MTMR10: variants seen among roughly 807,000 people sequenced by gnomAD.
MTMR10 encodes myotubularin-related protein 10.
MTMR10 carries 56 observed loss-of-function variants against 88.1 expected under a neutral mutation model. The ratio of observed to expected loss-of-function variants is 0.64; its 90% CI spans 0.51 to 0.79. MTMR10 has a LOEUF of 0.79. MTMR10 is among the 30% of genes least tolerant of loss of function. The pLI, the probability that MTMR10 is intolerant of heterozygous loss-of-function variation, is 0.00. For synonymous variants in MTMR10, 380 were observed against 340.9 expected (o/e 1.11, Z -1.26); for missense variants, 883 against 924.7 (o/e 0.95, Z 0.58).
At chr15:30,985,527 G>T (rs375164576) in intron 2 of MTMR10, among the ~76,000 whole-genome samples, 1 of 152,186 alleles carries the variant, frequency 6.6e-6, no homozygotes, top group Non-Finnish European at 1.5e-5. Flanking sequence ...CTTGCTAGCT[G>T]TGTGACACTG....
rs766591098 is a variant in MTMR10 at position 30,954,932 on chromosome 15, T to C, written c.936-39A>G. Reference sequence around the variant, plus strand: ...AAATACTTTAGTCATTACTCATTCATTTCAGCATATATTTATTTAACCCTT... The same window carrying C: ...AAATACTTTAGTCATTACTCATTCACTTCAGCATATATTTATTTAACCCTT... On this transcript the variant is annotated intron_variant, in intron 9 of 15. Coordinates refer to ENST00000435680, the MANE Select transcript of MTMR10 (RefSeq NM_017762.3). The C allele has an allele frequency of 3.4e-6, 5 of 1,492,528 alleles. No homozygotes were observed. The East Asian group carries it at 1.2e-4, about 37-fold the overall frequency. The allele number at this position is 1,492,528 out of a possible 1,614,324, so 92.5% of individuals were successfully genotyped here.
intron 10 of MTMR10, 43 bp downstream of exon 10, chr15:30,954,720 G>A: frequency 6.6e-7 from 1 of 1,524,126 alleles, no homozygotes; most frequent in Non-Finnish European, 8.8e-7. Context: ...ATGCAACTCT[G>A]TATCCTGTGT....
the MTMR10 span, chr15:30,929,484 A>G: frequency 2.3e-6 from 2 of 867,778 alleles, no homozygotes; most frequent in African/African-American, 1.8e-5. Flanking sequence ...CAAAATACAC[A>G]TGTGTGTATA....
At chr15:30,954,045 G>A (rs1169481070) in intron 10 of MTMR10, among the ~76,000 whole-genome samples, 1 of 152,138 alleles carries the variant, frequency 6.6e-6, no homozygotes, top group Non-Finnish European at 1.5e-5. Context: ...TGCCAGTGGT[G>A]CCTCTGTGCA....
chr15:30,976,108 A>T (rs1010712131), intron 3 of MTMR10, among the ~76,000 whole-genome samples: 1 of 70,596 alleles, frequency 1.4e-5, no homozygotes, highest in African/African-American at 5.9e-5. Context: ...AATTAGTTTA[A>T]AAAAAAAAAA....
In MTMR10 at chr15:30,942,894, G is replaced by A; in HGVS notation, c.1727C>T (p.Thr576Ile). 1 of 1,560,516 alleles carries A rather than the reference G, an allele frequency of 6.4e-7. No homozygotes were observed. Among genetic ancestry groups the A allele is most frequent in the Non-Finnish European group, 8.7e-7 (1 of 1,151,220 alleles). Residue 576 changes from threonine to isoleucine, a missense_variant, in exon 15 of 16, where the codon ACA becomes ATA. Transcript: ENST00000435680. ...QNGSVKSFKR[T>I]KKSYSSTLRG... ...GTTTTGTTAGCTGTGATTTACCTTT[G>A]TCCGTTTAAAAGACTTCACGGAGCC...
chr15:30,935,296 A>G (rs1398891770), downstream of MTMR10, among the ~76,000 whole-genome samples: 1 of 152,076 alleles, frequency 6.6e-6, no homozygotes, highest in Non-Finnish European at 1.5e-5. Flanking sequence ...CAACAGAGTG[A>G]GACCTTGTCT....
chr15:30,957,307 T>C (rs1246689582), intron 9 of MTMR10, among the ~76,000 whole-genome samples: 1 of 152,116 alleles, frequency 6.6e-6, no homozygotes, highest in East Asian at 1.9e-4. Flanking sequence ...ACATATATAA[T>C]TAAAAACTGA....
At chr15:30,930,002 TATA>T in the MTMR10 span, among the ~76,000 whole-genome samples, 38 of 135,378 alleles carry the variant, frequency 2.8e-4, 1 homozygote, top group African/African-American at 5.3e-4. Flanking sequence ...TCATATATAA[TATA>T]ATGTATAAAA....
intron 2 of MTMR10, among the ~76,000 whole-genome samples, chr15:30,986,179 T>A (rs1394913658): frequency 6.6e-6 from 1 of 151,920 alleles, no homozygotes; most frequent in African/African-American, 2.4e-5. Context: ...TAGCCAGGTG[T>A]GGTGGCGCAC....
the MTMR10 span, chr15:30,925,118 C>T: frequency 3.1e-6 from 5 of 1,607,666 alleles, no homozygotes; most frequent in South Asian, 4.4e-5. Flanking sequence ...TGACCATGCT[C>T]TCTGCCAGAC....
At chr15:30,936,032 G>A (rs1006655864), downstream of MTMR10, among the ~76,000 whole-genome samples, 2 of 150,026 alleles carry the variant, frequency 1.3e-5, no homozygotes, top group Non-Finnish European at 3.0e-5. Flanking sequence ...TTTTTTTCTC[G>A]TTCCTTTGGG....
At chr15:30,930,318 T>C in the MTMR10 span, among the ~76,000 whole-genome samples, 14 of 152,256 alleles carry the variant, frequency 9.2e-5, no homozygotes, top group Admixed American at 2.6e-4. Context: ...GGCAGAAGCC[T>C]GGAAACTGAC....
rs376507953 is a variant in MTMR10, at chr15:30,947,110, A to G, written c.1548+20T>C. The G allele has an allele frequency of 3.8e-6, 6 of 1,567,362 alleles. No individual in the cohort carries two copies. The African/African-American group carries it at 8.3e-5, about 22-fold the overall frequency. On this transcript the variant is annotated intron_variant, in intron 14 of 15. Transcript: ENST00000435680. Reference sequence around the variant, plus strand: ...TTGTAAAAACAGGGAAAACGTAGCCACAGCCACAGGGTTGCTTACCGTGCT... The same window carrying G: ...TTGTAAAAACAGGGAAAACGTAGCCGCAGCCACAGGGTTGCTTACCGTGCT...
intron 14 of MTMR10, 99 bp from the exon 15 acceptor site, chr15:30,943,171 G>C: frequency 2.8e-6 from 4 of 1,448,048 alleles, no homozygotes; most frequent in South Asian, 3.0e-5. Flanking sequence ...TAAATGTTCT[G>C]TACTGCAGCC....
chr15:30,957,719 C>A (rs1467962966), intron 9 of MTMR10, among the ~76,000 whole-genome samples: 1 of 151,946 alleles, frequency 6.6e-6, no homozygotes, highest in Non-Finnish European at 1.5e-5. Context: ...AAAAAAGAAA[C>A]AAGGAGTGCC....
At chr15:30,921,704 A>G in the MTMR10 span, among the ~76,000 whole-genome samples, 1 of 152,200 alleles carries the variant, frequency 6.6e-6, no homozygotes, top group Non-Finnish European at 1.5e-5. Context: ...CCATATTACA[A>G]AGACATCCAT....
intron 11 of MTMR10, among the ~76,000 whole-genome samples, chr15:30,953,342 A>G (rs1233913496): frequency 1.3e-5 from 2 of 152,180 alleles, no homozygotes; most frequent in Admixed American, 1.3e-4. Context: ...GGGCATGCAC[A>G]CAGACGACAG....
At chr15:30,976,743 T>A (rs2030181791) in intron 3 of MTMR10, 76 bp downstream of exon 3, 2 of 1,460,326 alleles carry the variant, frequency 1.4e-6, no homozygotes, top group East Asian at 4.6e-5. Flanking sequence ...TTTCCATACC[T>A]ATGTTTTATA....
Sources: allele counts gnomAD v4.1 joint callset (sites outside exome capture counted in the v4.1 genomes callset), GRCh38; gene constraint gnomAD v4.1.1; transcripts MANE v1.5; gene names NCBI Gene and HGNC (gene_info 2026-07-23, HGNC 2026-07-21).